NT5DC1: variants seen among roughly 807,000 people sequenced by gnomAD.
The protein encoded by NT5DC1 is 5'-nucleotidase domain-containing protein 1.
Under a neutral mutation model 59.4 loss-of-function variants are expected in NT5DC1, and 42 were observed. The observed-to-expected ratio is 0.71, with a 90% CI of 0.55 to 0.92. The LOEUF (loss-of-function observed/expected upper bound fraction) is 0.92, where lower values mean the gene tolerates loss of function less well. Ranked by LOEUF, NT5DC1 falls within the 40% of genes least tolerant of loss-of-function variation. NT5DC1 has a pLI of 0.00. For missense variants in NT5DC1, 501 were observed against 537.1 expected (o/e 0.93, Z 0.66); for synonymous variants, 172 against 188.1 (o/e 0.91, Z 0.70).
chr6:116,196,582 TTATA>T (rs371780464), intron 6 of NT5DC1, among the ~76,000 whole-genome samples: 2 of 152,052 alleles, frequency 1.3e-5, no homozygotes, highest in Non-Finnish European at 2.9e-5. Context: ...TTTTATCAAA[TTATA>T]TATAGTATAT....
Position 116,239,255 on chromosome 6 carries a change from TGG to T in NT5DC1, c.1252+133_1252+134del. On this transcript the variant is annotated intron_variant, in intron 11 of 11. Transcript: ENST00000319550. ...TCTTTGGGGAAAAATCTTCTAGATA[TGG>T]AACCTAGGTAATTAGGACCAGCACT... 8 of 700,212 alleles carry T rather than the reference TGG, an allele frequency of 1.1e-5. No individual in the cohort carries two copies. The South Asian group carries it at 1.5e-4, about 13-fold the overall frequency. The allele number at this position is 700,212 out of a possible 1,614,324, so 43.4% of individuals were successfully genotyped here. A position where few individuals can be genotyped will look rare whatever the true frequency, so the allele number is the denominator to read the frequency against.
chr6:116,109,675 T>G (rs776783170), intron 3 of NT5DC1, among the ~76,000 whole-genome samples: 1 of 152,226 alleles, frequency 6.6e-6, no homozygotes, highest in Non-Finnish European at 1.5e-5. Context: ...TATTTCCCAT[T>G]CAGGATTCTT....
At chr6:116,204,838 G>A (rs1781418079) in intron 6 of NT5DC1, among the ~76,000 whole-genome samples, 1 of 151,968 alleles carries the variant, frequency 6.6e-6, no homozygotes, top group Non-Finnish European at 1.5e-5. Context: ...TGTGTAGTAG[G>A]TGCTCAGTAA....
At chr6:116,230,441 G>A (rs550053818) in intron 8 of NT5DC1, among the ~76,000 whole-genome samples, 5 of 151,970 alleles carry the variant, frequency 3.3e-5, no homozygotes, top group African/African-American at 4.8e-5. Context: ...TTTTGTTCTC[G>A]CTATTCTGTC....
At chr6:116,237,673 A>C (rs773906481) in intron 9 of NT5DC1, 5 of 341,442 alleles carry the variant, frequency 1.5e-5, no homozygotes, top group Non-Finnish European at 2.9e-5. Context: ...CTCAGACTCC[A>C]TTGCCTCAGA....
chr6:116,101,156 C>T (rs1778640788), intron 1 of NT5DC1, 133 bp downstream of exon 1: 1 of 635,456 alleles, frequency 1.6e-6, no homozygotes, highest in Non-Finnish European at 2.6e-6. Context: ...CAGAGCGCGG[C>T]CTCCAGCGGC....
At chr6:116,203,896 T>C (rs1244055280) in intron 6 of NT5DC1, among the ~76,000 whole-genome samples, 1 of 151,974 alleles carries the variant, frequency 6.6e-6, no homozygotes, top group Non-Finnish European at 1.5e-5. Context: ...TTTTTGCCAC[T>C]TGATATCTAT....
At chr6:116,238,832 G>GC in intron 10 of NT5DC1, 123 bp from the exon 11 acceptor site, 1 of 618,886 alleles carries the variant, frequency 1.6e-6, no homozygotes, top group Non-Finnish European at 2.8e-6. Context: ...TTTAATGTGG[G>GC]CCCAAAGCCT....
chr6:116,182,218 G>GGAGA lies in NT5DC1; in HGVS notation c.530-38834_530-38831dup, dbSNP rs570519967. Among the ~76,000 whole-genome samples the GGAGA allele has an allele frequency of 7.2e-3, 966 of 133,412 alleles. 12 individuals carry two copies. Among genetic ancestry groups the GGAGA allele is most frequent in the African/African-American group, 0.027 (820 of 30,170 alleles). The allele number at this position is 133,412 out of a possible 152,430, so 87.5% of individuals were successfully genotyped here. On this transcript the variant is annotated intron_variant, in intron 6 of 11. Coordinates refer to ENST00000319550, the MANE Select transcript of NT5DC1 (RefSeq NM_152729.3). The stretch of plus-strand genomic sequence containing the variant: ...TTTTTATGGCTGAGTAGTATTCCAT[G>GGAGA]GAGAGTGTGTGTGTGTGTGTGTGTG...
chr6:116,111,623 A>G (rs1173576586), intron 4 of NT5DC1, among the ~76,000 whole-genome samples: 1 of 152,158 alleles, frequency 6.6e-6, no homozygotes. Flanking sequence ...CCCACACTAC[A>G]GTATTGAATT....
intron 4 of NT5DC1, among the ~76,000 whole-genome samples, chr6:116,113,894 C>A (rs1285653341): frequency 6.6e-6 from 1 of 152,178 alleles, no homozygotes; most frequent in African/African-American, 2.4e-5. Context: ...GAAGTTGGGT[C>A]AGTCTAGTGT....
At chr6:116,195,432 G>A (rs1781202387) in intron 6 of NT5DC1, among the ~76,000 whole-genome samples, 1 of 151,924 alleles carries the variant, frequency 6.6e-6, no homozygotes, top group Non-Finnish European at 1.5e-5. Flanking sequence ...AGAGGTCATA[G>A]TAGTTTACCA....
chr6:116,143,069 C>T (rs62414128), intron 6 of NT5DC1, among the ~76,000 whole-genome samples: 32,286 of 151,890 alleles, frequency 0.21, 3,629 homozygotes, highest in South Asian at 0.28. Context: ...TCCTGGAGAC[C>T]GGATTTTGTT....
At chr6:116,173,189 G>A (rs1780651199) in intron 6 of NT5DC1, among the ~76,000 whole-genome samples, 1 of 152,160 alleles carries the variant, frequency 6.6e-6, no homozygotes, top group Admixed American at 6.5e-5. Context: ...GCCCCTGGCA[G>A]TGTTCATCTA....
In NT5DC1 at chr6:116,246,622, A is replaced by G. The variant is rs889614189; in HGVS notation, c.*2598A>G. 2 of 152,144 alleles carry G rather than the reference A, an allele frequency of 1.3e-5. No individual in the cohort carries two copies. The highest frequency in any genetic ancestry group is 4.8e-5 in the African/African-American group (2 of 41,444). 9.4% of individuals were successfully genotyped at this position (152,144 alleles called of 1,614,324 possible). On this transcript the variant is annotated 3_prime_UTR_variant, in exon 12 of 12. Coordinates refer to ENST00000319550, the MANE Select transcript of NT5DC1 (RefSeq NM_152729.3). ...TTCACTGACTGTTGGAAATACATGGATAGCTTTTTAAAATCTTCAGTGTTG... is the reference window on the plus strand; with the variant it reads ...TTCACTGACTGTTGGAAATACATGGGTAGCTTTTTAAAATCTTCAGTGTTG...
chr6:116,163,141 A>AAAAAAAATATATATAT (rs761718922), intron 6 of NT5DC1, among the ~76,000 whole-genome samples: 7 of 88,384 alleles, frequency 7.9e-5, no homozygotes, highest in African/African-American at 4.0e-4. Context: ...AAAAAAAAAA[A>AAAAAAAATATATATAT]ATATATATAT....
At chr6:116,187,349 A>G (rs9488866) in intron 6 of NT5DC1, among the ~76,000 whole-genome samples, 3,799 of 152,168 alleles carry the variant, frequency 0.025, 142 homozygotes, top group African/African-American at 0.086. Context: ...TTCTTTATAG[A>G]AAACTGAAGC....
intron 6 of NT5DC1, among the ~76,000 whole-genome samples, chr6:116,220,558 A>G (rs552564827): frequency 6.6e-6 from 1 of 152,336 alleles, no homozygotes; most frequent in East Asian, 1.9e-4. Flanking sequence ...TGGCTCCCCT[A>G]GTATAGATTC....
chr6:116,207,242 G>A (rs1168492760), intron 6 of NT5DC1, among the ~76,000 whole-genome samples: 2 of 151,870 alleles, frequency 1.3e-5, no homozygotes, highest in Non-Finnish European at 2.9e-5. Context: ...TGGATCATAT[G>A]TCTTAAGAAA....
Sources: allele counts gnomAD v4.1 joint callset (sites outside exome capture counted in the v4.1 genomes callset), GRCh38; gene constraint gnomAD v4.1.1; transcripts MANE v1.5; gene names NCBI Gene and HGNC (gene_info 2026-07-23, HGNC 2026-07-21).